Variants in MSH3 observed in about 807,000 individuals in gnomAD.
The protein encoded by MSH3 is DNA mismatch repair protein Msh3.
Under a neutral mutation model 123.3 loss-of-function variants are expected in MSH3, and 106 were observed. The ratio of observed to expected loss-of-function variants is 0.86; its 90% confidence interval spans 0.73 to 1.01. The LOEUF is 1.01. MSH3 is among the 50% of genes least tolerant of loss of function. The probability of loss-of-function intolerance (pLI) is 0.00; values close to 1 mark genes in which losing one functional copy is unlikely to be tolerated. For synonymous variants in MSH3, 515 were observed against 481.4 expected (o/e 1.07, Z -0.91); for missense variants, 1,459 against 1,347.6 (o/e 1.08, Z -1.29).
At chr5:80,773,469 C>T (rs1744246718) in intron 15 of MSH3, among the ~76,000 whole-genome samples, 1 of 152,040 alleles carries the variant, frequency 6.6e-6, no homozygotes, top group African/African-American at 2.4e-5. Context: ...ATCACTAGTT[C>T]AAAACAGTTT....
intron 22 of MSH3, among the ~76,000 whole-genome samples, chr5:80,870,266 A>C (rs1009709041): frequency 4.6e-5 from 7 of 151,524 alleles, no homozygotes; most frequent in Admixed American, 3.3e-4. Context: ...TGATGGCTGG[A>C]TGGATGGATA....
intron 18 of MSH3, among the ~76,000 whole-genome samples, chr5:80,790,936 T>A (rs1744595795): frequency 6.6e-6 from 1 of 152,196 alleles, no homozygotes. Context: ...GAAAATATCC[T>A]AGGTGAATTT....
intron 8 of MSH3, among the ~76,000 whole-genome samples, chr5:80,701,084 A>G (rs1400504947): frequency 6.6e-6 from 1 of 152,230 alleles, no homozygotes; most frequent in Non-Finnish European, 1.5e-5. Context: ...ATAAATGTTA[A>G]TATATTAAAA....
At chr5:80,737,080 ATGT>A (rs1743522337) in intron 10 of MSH3, among the ~76,000 whole-genome samples, 2 of 152,178 alleles carry the variant, frequency 1.3e-5, no homozygotes, top group African/African-American at 4.8e-5. Context: ...AAAGTTAGTC[ATGT>A]TGTTTAATTA....
chr5:80,813,859 G>A (rs777600390), intron 20 of MSH3, 118 bp downstream of exon 20: 1 of 1,170,080 alleles, frequency 8.5e-7, no homozygotes, highest in Non-Finnish European at 1.3e-6. Flanking sequence ...ACATTTAGGA[G>A]CTTAAATAAA....
intron 19 of MSH3, among the ~76,000 whole-genome samples, chr5:80,811,740 TGTGTC>T (rs1745009831): frequency 6.6e-6 from 1 of 152,138 alleles, no homozygotes. Flanking sequence ...TTCTATTTCT[TGTGTC>T]GTTTTGTGAT....
At chr5:80,791,428 G>C (rs979785521) in intron 18 of MSH3, among the ~76,000 whole-genome samples, 1 of 152,118 alleles carries the variant, frequency 6.6e-6, no homozygotes, top group African/African-American at 2.4e-5. Flanking sequence ...TTGAAATTTG[G>C]AATTTAGTAT....
intron 2 of MSH3, among the ~76,000 whole-genome samples, chr5:80,658,050 T>TTTTTTTTTTTTTTA (rs1580541891): frequency 6.0e-5 from 9 of 149,264 alleles, no homozygotes; most frequent in East Asian, 2.0e-4. Context: ...TTTTTTTTTT[T>TTTTTTTTTTTTTTA]GAGATAGGGT....
chr5:80,675,168 A>C (rs1461873825), intron 7 of MSH3, 40 bp downstream of exon 7: 2 of 1,599,050 alleles, frequency 1.3e-6, no homozygotes, highest in Admixed American at 3.3e-5. Context: ...TTAGATGTTC[A>C]TGGTATCTCT....
Position 80,774,490 on chromosome 5 carries a change from T to C in MSH3, c.2254-1204T>C, listed in dbSNP as rs144879264. On this transcript the variant is annotated intron_variant, in intron 15 of 23. Transcript: ENST00000265081. ...ATCCCAAAGAAAGGTAATTAGTATA[T>C]TAAGGAGATATCTGCACTGCAGTGT... Among the ~76,000 whole-genome samples, 610 of 152,058 alleles carry C rather than the reference T, an allele frequency of 4.0e-3. 2 individuals carry two copies. The highest frequency in any genetic ancestry group is 7.0e-3 in the Non-Finnish European group (474 of 67,994).
At chr5:80,657,042 T>TAAAATTTTCTATTA (rs1554066281) in intron 2 of MSH3, among the ~76,000 whole-genome samples, 1 of 151,974 alleles carries the variant, frequency 6.6e-6, no homozygotes, top group Non-Finnish European at 1.5e-5. Context: ...TTCTACTTAA[T>TAAAATTTTCTATTA]AGAAAATTTT....
chr5:80,812,548 G>GC (rs937830668), intron 19 of MSH3, among the ~76,000 whole-genome samples: 7 of 147,310 alleles, frequency 4.8e-5, no homozygotes, highest in African/African-American at 1.7e-4. Flanking sequence ...AGTTTGAGAA[G>GC]CTTTTATGCT....
intron 20 of MSH3, among the ~76,000 whole-genome samples, chr5:80,823,978 A>G (rs1745245006): frequency 6.6e-6 from 1 of 152,188 alleles, no homozygotes; most frequent in Non-Finnish European, 1.5e-5. Flanking sequence ...CCCTGAGTGG[A>G]CACAGCACAT....
chr5:80,800,514 G>A (rs769734969), intron 19 of MSH3, among the ~76,000 whole-genome samples: 2 of 152,188 alleles, frequency 1.3e-5, no homozygotes, highest in African/African-American at 4.8e-5. Flanking sequence ...CCTCAAATAC[G>A]CACGATCTTT....
intron 15 of MSH3, among the ~76,000 whole-genome samples, chr5:80,771,041 G>C (rs1167043514): frequency 1.3e-5 from 2 of 152,124 alleles, no homozygotes; most frequent in African/African-American, 4.8e-5. Flanking sequence ...ATTGATAGTA[G>C]GATGGATTCT....
chr5:80,808,480 G>A (rs1421769568), intron 19 of MSH3, among the ~76,000 whole-genome samples: 2 of 152,064 alleles, frequency 1.3e-5, no homozygotes, highest in Non-Finnish European at 2.9e-5. Flanking sequence ...GTTGTCTAAG[G>A]GTCATTTTGT....
At chr5:80,837,339 G>A (rs181309463) in intron 20 of MSH3, among the ~76,000 whole-genome samples, 16 of 152,276 alleles carry the variant, frequency 1.1e-4, no homozygotes, top group Admixed American at 5.2e-4. Context: ...AGCACTTTGG[G>A]AGGCTGAGGC....
intron 10 of MSH3, among the ~76,000 whole-genome samples, chr5:80,730,892 A>ATTT (rs199809813): frequency 2.8e-5 from 3 of 105,462 alleles, no homozygotes; most frequent in Non-Finnish European, 4.3e-5. Flanking sequence ...ATATATATAT[A>ATTT]TATTTTTTTT....
At chr5:80,744,401 A>G in intron 11 of MSH3, 105 bp from the exon 12 acceptor site, 2 of 779,726 alleles carry the variant, frequency 2.6e-6, no homozygotes, top group Non-Finnish European at 4.4e-6. Context: ...GTTATGAGCC[A>G]CATTGTGCTA....
Sources: allele counts gnomAD v4.1 joint callset (sites outside exome capture counted in the v4.1 genomes callset), GRCh38; gene constraint gnomAD v4.1.1; transcripts MANE v1.5; gene names NCBI Gene and HGNC (gene_info 2026-07-23, HGNC 2026-07-21).